NYAP2: variants seen among roughly 807,000 people sequenced by gnomAD.
The protein encoded by NYAP2 is neuronal tyrosine-phosphorylated phosphoinositide-3-kinase adapter 2.
A neutral mutation model predicts 50.4 loss-of-function variants in NYAP2; 23 were observed. That is an observed-to-expected ratio of 0.46 (90% CI 0.33 to 0.65). The LOEUF (loss-of-function observed/expected upper bound fraction) is 0.65, where lower values mean the gene tolerates loss of function less well. NYAP2 is among the 30% of genes least tolerant of loss of function. NYAP2 has a pLI of 0.02. For synonymous variants in NYAP2, 394 were observed against 365.2 expected, an observed-to-expected ratio of 1.08 and a Z score of -0.90; for missense variants, 885 against 861.0, an observed-to-expected ratio of 1.03 and a Z score of -0.35.
At chr2:225,470,002 T>TA (rs1174990164) in intron 3 of NYAP2, among the ~76,000 whole-genome samples, 7 of 151,934 alleles carry the variant, frequency 4.6e-5, no homozygotes, top group Admixed American at 2.0e-4. Flanking sequence ...AGTAGAATAA[T>TA]AAAAAAATAC....
At chr2:225,553,109 G>C (rs1052889145) in intron 4 of NYAP2, among the ~76,000 whole-genome samples, 2 of 152,234 alleles carry the variant, frequency 1.3e-5, no homozygotes, top group African/African-American at 4.8e-5. Flanking sequence ...CTTGCAGGAA[G>C]GGCCCTAACA....
intron 4 of NYAP2, among the ~76,000 whole-genome samples, chr2:225,576,115 G>A (rs934666065): frequency 1.5e-4 from 23 of 152,182 alleles, no homozygotes; most frequent in African/African-American, 5.1e-4. Context: ...ATTTTCCAAT[G>A]TTCTGCATCC....
At chr2:225,500,379 C>G (rs979903526) in intron 3 of NYAP2, among the ~76,000 whole-genome samples, 4 of 152,032 alleles carry the variant, frequency 2.6e-5, no homozygotes, top group African/African-American at 9.7e-5. Context: ...ATTTTGCTTC[C>G]TTGGTAGTTC....
At chr2:225,488,152 G>C (rs1000012743) in intron 3 of NYAP2, among the ~76,000 whole-genome samples, 1 of 152,122 alleles carries the variant, frequency 6.6e-6, no homozygotes, top group Non-Finnish European at 1.5e-5. Context: ...TTAGAAAAAG[G>C]AATGACAGAA....
intron 3 of NYAP2, among the ~76,000 whole-genome samples, chr2:225,467,821 A>G (rs1689945564): frequency 6.6e-6 from 1 of 152,232 alleles, no homozygotes; most frequent in South Asian, 2.1e-4. Context: ...TGTAGTATAA[A>G]TTCATTCACT....
At chr2:225,626,922 A>G (rs368315330) in exon 6 of NYAP2, 1 of 1,570,004 alleles carries the variant, frequency 6.4e-7, no homozygotes, top group Admixed American at 1.9e-5. Context: ...CACAGAATCA[A>G]CAGAGGAACT....
chr2:225,519,969 T>G (rs1321637249), intron 4 of NYAP2, among the ~76,000 whole-genome samples: 4 of 152,152 alleles, frequency 2.6e-5, no homozygotes, highest in Non-Finnish European at 5.9e-5. Context: ...CCATTCTAAC[T>G]GGTGTGAGAT....
chr2:225,564,089 G>A (rs1691921058), intron 4 of NYAP2, among the ~76,000 whole-genome samples: 1 of 151,972 alleles, frequency 6.6e-6, no homozygotes, highest in African/African-American at 2.4e-5. Context: ...AGCCTCTGAA[G>A]TTTTCATAAC....
intron 5 of NYAP2, among the ~76,000 whole-genome samples, chr2:225,612,094 A>G (rs1309949374): frequency 6.8e-6 from 1 of 147,204 alleles, no homozygotes; most frequent in East Asian, 2.0e-4. Context: ...ATAAACCACT[A>G]CTGTGCAGGA....
At chr2:225,626,302 G>A (rs1349411723) in intron 5 of NYAP2, among the ~76,000 whole-genome samples, 1 of 152,210 alleles carries the variant, frequency 6.6e-6, no homozygotes, top group Non-Finnish European at 1.5e-5. Flanking sequence ...AAGAATATGT[G>A]TAGCAGAAGC....
chr2:225,675,328 A>G, the NYAP2 span, among the ~76,000 whole-genome samples: 1 of 151,938 alleles, frequency 6.6e-6, no homozygotes, highest in Non-Finnish European at 1.5e-5. Flanking sequence ...CCTAGTGTCT[A>G]TTGTTCCCAT....
At chr2:225,693,590 C>T in the NYAP2 span, among the ~76,000 whole-genome samples, 1 of 152,038 alleles carries the variant, frequency 6.6e-6, no homozygotes, top group Non-Finnish European at 1.5e-5. Flanking sequence ...ACCAGGGTGA[C>T]AGCATGGTTA....
intron 5 of NYAP2, 129 bp downstream of exon 5, chr2:225,583,164 C>G: frequency 8.9e-7 from 1 of 1,124,620 alleles, no homozygotes; most frequent in South Asian, 1.7e-5. Context: ...TCTTAGCATG[C>G]AAACAAAATG....
At chr2:225,421,361 AT>A (rs1266277451) in intron 3 of NYAP2, among the ~76,000 whole-genome samples, 1 of 152,150 alleles carries the variant, frequency 6.6e-6, no homozygotes, top group East Asian at 1.9e-4. Context: ...TGTCAAGCAA[AT>A]TTTTTCTAGG....
chr2:225,416,053 G>A (rs1304570460), intron 3 of NYAP2, among the ~76,000 whole-genome samples: 3 of 152,110 alleles, frequency 2.0e-5, no homozygotes, highest in East Asian at 1.9e-4. Flanking sequence ...TGTTGATAAC[G>A]GGTGAGATTA....
chr2:225,431,733 C>G (rs2106134098), intron 3 of NYAP2, among the ~76,000 whole-genome samples: 1 of 152,188 alleles, frequency 6.6e-6, no homozygotes, highest in South Asian at 2.1e-4. Context: ...TCCGGGAACT[C>G]ATTAGCAAAA....
chr2:225,540,560 C>T (rs1691444218), intron 4 of NYAP2, among the ~76,000 whole-genome samples: 1 of 152,176 alleles, frequency 6.6e-6, no homozygotes, highest in South Asian at 2.1e-4. Flanking sequence ...AATTACTTCC[C>T]ACTTGGTCCC....
chr2:225,561,543 C>T (rs1246719194), intron 4 of NYAP2, among the ~76,000 whole-genome samples: 1 of 152,046 alleles, frequency 6.6e-6, no homozygotes. Flanking sequence ...CTGCTGTACT[C>T]CAGGCCCTTG....
the NYAP2 span, among the ~76,000 whole-genome samples, chr2:225,683,523 A>G: frequency 2.6e-5 from 4 of 152,120 alleles, no homozygotes; most frequent in African/African-American, 9.7e-5. Context: ...TATTATCTTA[A>G]TGAGAAGTAA....
Sources: allele counts gnomAD v4.1 joint callset (sites outside exome capture counted in the v4.1 genomes callset), GRCh38; gene constraint gnomAD v4.1.1; transcripts MANE v1.5; gene names NCBI Gene and HGNC (gene_info 2026-07-23, HGNC 2026-07-21).